The following CAPN9 variants were observed in gnomAD, a reference collection of about 807,000 sequenced individuals.
CAPN9 encodes calpain 9.
In CAPN9, 81 loss-of-function variants were observed where a neutral mutation model predicts 92.8. The ratio of observed to expected loss-of-function variants is 0.87; its 90% CI spans 0.73 to 1.05. CAPN9 has a LOEUF of 1.05. CAPN9 is among the 50% of genes least tolerant of loss of function. The probability of loss-of-function intolerance (pLI) is 0.00; values close to 1 mark genes in which losing one functional copy is unlikely to be tolerated. For missense variants in CAPN9, 848 were observed against 866.2 expected (o/e 0.98, Z 0.26); for synonymous variants, 304 against 328.0 (o/e 0.93, Z 0.79).
chr1:230,801,514 G>C, intron 19 of CAPN9, 56 bp from the exon 20 acceptor site: 3 of 1,580,640 alleles, frequency 1.9e-6, no homozygotes, highest in Non-Finnish European at 2.6e-6. Context: ...CTGAGGCTGA[G>C]GCTGGAAGGG....
chr1:230,748,370 C>T (rs1470237867), intron 1 of CAPN9, among the ~76,000 whole-genome samples: 1 of 152,210 alleles, frequency 6.6e-6, no homozygotes, highest in African/African-American at 2.4e-5. Context: ...AGTCAGGGCT[C>T]TACCTCTGAC....
At chr1:230,796,372 A>C (rs545552117) in intron 18 of CAPN9, among the ~76,000 whole-genome samples, 2 of 148,588 alleles carry the variant, frequency 1.3e-5, no homozygotes, top group African/African-American at 4.9e-5. Flanking sequence ...ATAAATAAAT[A>C]ATAAAATTAA....
At chr1:230,790,054 A>C in intron 13 of CAPN9, 78 bp from the exon 14 acceptor site, 1 of 1,268,166 alleles carries the variant, frequency 7.9e-7, no homozygotes, top group South Asian at 1.3e-5. Context: ...AATGAAGCTC[A>C]GAACTGATTT....
intron 17 of CAPN9, among the ~76,000 whole-genome samples, chr1:230,794,399 T>A (rs1179966133): frequency 6.6e-6 from 1 of 151,966 alleles, no homozygotes; most frequent in Non-Finnish European, 1.5e-5. Flanking sequence ...AAGAATCACT[T>A]GAAATCAGAA....
chr1:230,771,816 T>C (rs923310197), intron 6 of CAPN9, among the ~76,000 whole-genome samples, 198 bp from the exon 7 acceptor site: 5 of 152,242 alleles, frequency 3.3e-5, no homozygotes, highest in Non-Finnish European at 5.9e-5. Flanking sequence ...GTAGCAATTA[T>C]TCAATAGGAA....
intron 8 of CAPN9, among the ~76,000 whole-genome samples, chr1:230,778,310 G>T (rs148530390): frequency 6.6e-6 from 1 of 152,216 alleles, no homozygotes; most frequent in Non-Finnish European, 1.5e-5. Flanking sequence ...AGCCACCCTT[G>T]TCTCTCACTT....
At chr1:230,782,372 A>T (rs1667281403) in intron 11 of CAPN9, among the ~76,000 whole-genome samples, 1 of 152,220 alleles carries the variant, frequency 6.6e-6, no homozygotes, top group African/African-American at 2.4e-5. Flanking sequence ...CCAGGGGATG[A>T]GGAGGAAAGG....
rs200874991 is a variant in CAPN9, at chr1:230,772,006, C to T, written c.790-8C>T. 9.3e-6 allele frequency: 15 copies of T among 1,613,274 alleles called. No homozygotes were observed. Among genetic ancestry groups the T allele is most frequent in the Non-Finnish European group, 1.3e-5 (15 of 1,179,280 alleles). On this transcript the variant is annotated splice_region_variant and splice_polypyrimidine_tract_variant and intron_variant, in intron 6 of 19. Transcript: ENST00000271971. ...ATTTCACACTTCCCTCATGCTTTTC[C>T]CTTCTAGGTAAGCTTCCGAGGCCAG...
At chr1:230,771,667 T>C (rs971523615) in intron 6 of CAPN9, among the ~76,000 whole-genome samples, 1 of 152,256 alleles carries the variant, frequency 6.6e-6, no homozygotes, top group Non-Finnish European at 1.5e-5. Context: ...ACTTGGCTCC[T>C]GCCTCTAGGG....
Position 230,790,173 on chromosome 1 carries a change from T to A in CAPN9, c.1641T>A (p.Asn547Lys). 1 of 1,614,158 alleles carries A rather than the reference T, an allele frequency of 6.2e-7. No homozygotes were observed. The highest frequency in any genetic ancestry group is 8.5e-7 in the Non-Finnish European group (1 of 1,180,016). The change falls in exon 14 of 20, where the codon AAT becomes AAA. Residue 547 changes from asparagine (N) to lysine (K), a missense_variant. Physicochemically the swap from Asn to Lys is moderately conservative, Grantham distance 94. Coordinates refer to ENST00000271971, the MANE Select transcript of CAPN9 (RefSeq NM_006615.3). ...CAGAGGAACTTGAGTATGTTTTAAA[T>A]GCTGTGCTGCAAAAGAGTAAGTGCC... ...VTAEELEYVL[N>K]AVLQKKKDIK...
chr1:230,769,837 C>T (rs1666273890), intron 6 of CAPN9, among the ~76,000 whole-genome samples: 5 of 152,132 alleles, frequency 3.3e-5, no homozygotes, highest in Admixed American at 3.3e-4. Context: ...TTTACAATGA[C>T]CCAGTTCCAC....
At chr1:230,796,330 A>G (rs1016195238) in intron 18 of CAPN9, among the ~76,000 whole-genome samples, 2 of 45,722 alleles carry the variant, frequency 4.4e-5, no homozygotes, top group African/African-American at 1.4e-4. Context: ...TCTCAAAAAT[A>G]TAAATAAATA....
intron 18 of CAPN9, among the ~76,000 whole-genome samples, chr1:230,796,912 A>G (rs912204401): frequency 1.5e-4 from 23 of 152,230 alleles, no homozygotes; most frequent in African/African-American, 5.5e-4. Context: ...CTCACATTAG[A>G]TTTGCCTGGA....
intron 4 of CAPN9, 57 bp downstream of exon 4, chr1:230,762,843 C>G: frequency 6.5e-7 from 1 of 1,547,600 alleles, no homozygotes; most frequent in Non-Finnish European, 8.8e-7. Flanking sequence ...CTACACTAGT[C>G]TTTGTAGTGA....
chr1:230,760,871 A>G (rs952608854), intron 3 of CAPN9, among the ~76,000 whole-genome samples: 5 of 137,620 alleles, frequency 3.6e-5, no homozygotes, highest in African/African-American at 1.3e-4. Context: ...CAGAACCAGA[A>G]CCAGCAGAAC....
chr1:230,787,806 TG>T (rs1667711311), intron 13 of CAPN9, among the ~76,000 whole-genome samples: 1 of 152,222 alleles, frequency 6.6e-6, no homozygotes, highest in Non-Finnish European at 1.5e-5. Flanking sequence ...CGGCTGTGGA[TG>T]GGGCCAGTGA....
At chr1:230,769,605 A>G (rs938384391) in intron 6 of CAPN9, among the ~76,000 whole-genome samples, 3 of 151,384 alleles carry the variant, frequency 2.0e-5, no homozygotes, top group African/African-American at 7.3e-5. Context: ...ATACAATTAA[A>G]CACACACACA....
chr1:230,772,882 C>A (rs1410994426), intron 7 of CAPN9, among the ~76,000 whole-genome samples: 1 of 152,050 alleles, frequency 6.6e-6, no homozygotes, highest in Admixed American at 6.6e-5. Flanking sequence ...CCCCACAGCT[C>A]CTCCAGCTCT....
intron 18 of CAPN9, among the ~76,000 whole-genome samples, chr1:230,797,170 C>T (rs1050747841): frequency 5.9e-5 from 9 of 152,142 alleles, no homozygotes; most frequent in East Asian, 1.9e-4. Flanking sequence ...TTGGGAGTTA[C>T]GCAAATTCGC....
Sources: allele counts gnomAD v4.1 joint callset (sites outside exome capture counted in the v4.1 genomes callset), GRCh38; gene constraint gnomAD v4.1.1; transcripts MANE v1.5; gene names NCBI Gene and HGNC (gene_info 2026-07-23, HGNC 2026-07-21).